Variants in SRCIN1 observed in about 807,000 individuals in gnomAD.
SRCIN1 encodes the protein P130Cas-associated protein.
A neutral mutation model predicts 116.2 loss-of-function variants in SRCIN1; 50 were observed. The observed-to-expected ratio is 0.43, with a 90% CI of 0.34 to 0.54. The LOEUF (loss-of-function observed/expected upper bound fraction) is 0.54, where lower values mean the gene tolerates loss of function less well. Among genes scored for constraint, SRCIN1 ranks in the 20% least tolerant of loss-of-function variants. SRCIN1 has a pLI of 0.02. For missense variants in SRCIN1, 1,446 were observed against 1,672.0 expected (o/e 0.86, Z 2.36); for synonymous variants, 736 against 750.0 (o/e 0.98, Z 0.30).
In SRCIN1 at chr17:38,551,218, G is replaced by C. The variant is rs1473467688; in HGVS notation, c.2899C>G (p.Pro967Ala). ...GCCTTCTGGCCGTGGGGGGCCTTGG[G>C]GGGCTTGTGATCTGGAGTGGGGGCC... ...GPAPTPDHKP[P>A]KAPHGQKAAP... The change falls in exon 15 of 19, where the codon CCC becomes GCC. Residue 967 changes from proline (P) to alanine (A), a missense_variant. Physicochemically the swap from Pro to Ala is conservative, Grantham distance 27. This residue lies in a region of SRCIN1 where 531 missense variants were observed against 633.9 expected (regional missense o/e 0.84). Transcript: ENST00000617146. The C allele has an allele frequency of 6.2e-7, 1 of 1,607,370 alleles. No homozygotes were observed. The highest frequency in any genetic ancestry group is 1.3e-5 in the African/African-American group (1 of 74,986).
intron 2 of SRCIN1, among the ~76,000 whole-genome samples, chr17:38,577,920 C>G (rs1007066875): frequency 6.6e-6 from 1 of 152,106 alleles, no homozygotes; most frequent in Non-Finnish European, 1.5e-5. Context: ...GCCTCCAGCT[C>G]CAAGTCACCC....
In SRCIN1 at chr17:38,549,704, C is replaced by T. The variant is rs117685008; in HGVS notation, c.2963-494G>A. Among the ~76,000 whole-genome samples the T allele has an allele frequency of 8.0e-4, 122 of 152,300 alleles. No individual in the cohort carries two copies. In the East Asian group the frequency reaches 8.7e-3, roughly 11 times the overall value. On this transcript the variant is annotated intron_variant, in intron 15 of 18. Transcript: ENST00000617146. Reference sequence around the variant, plus strand: ...CCAATTTGTCCTCCAGCCCTGCTTCCGGGGTAACCTGCAGAGAGGTCACTC... The same window carrying T: ...CCAATTTGTCCTCCAGCCCTGCTTCTGGGGTAACCTGCAGAGAGGTCACTC...
chr17:38,573,764 A>C (rs932190463), intron 2 of SRCIN1, among the ~76,000 whole-genome samples: 5 of 152,320 alleles, frequency 3.3e-5, no homozygotes, highest in Admixed American at 3.3e-4. Flanking sequence ...TCCTAGCCCC[A>C]CTTTGGTCTC....
intron 7 of SRCIN1, 26 bp from the exon 8 acceptor site, chr17:38,560,451 C>T: frequency 6.3e-7 from 1 of 1,583,288 alleles, no homozygotes; most frequent in Non-Finnish European, 8.6e-7. Context: ...GTCTGGGCAA[C>T]CTCGCCTCTG....
At position 38,604,640 on chromosome 17, in the gene SRCIN1, G is replaced by C. The variant is rs1198922689; in HGVS notation, c.22+1044C>G. On this transcript the variant is annotated intron_variant, in intron 1 of 18. Transcript: ENST00000617146. This position sits in a 1 kb window ranked among gnomAD's most constrained non-coding sequence, Gnocchi z 4.3. ...GGCTGGGGGACGAGCACCAGCAGCC[G>C]CACACGCCCCGCCGGGCCCTGACAG... 1 of 414,272 alleles carries C rather than the reference G, an allele frequency of 2.4e-6. No homozygotes were observed. The highest frequency in any genetic ancestry group is 8.1e-5 in the East Asian group (1 of 12,416). The allele number at this position is 414,272 out of a possible 1,614,324, so 25.7% of individuals were successfully genotyped here.
At position 38,551,181 on chromosome 17, in the gene SRCIN1, G is replaced by T. The variant is rs759557289; in HGVS notation, c.2936C>A (p.Thr979Lys). 5 of 1,579,692 alleles carry T rather than the reference G, an allele frequency of 3.2e-6. No individual in the cohort carries two copies. Among genetic ancestry groups the T allele is most frequent in the East Asian group, 4.5e-5 (2 of 44,412 alleles). The change falls in exon 15 of 19, where the codon ACG (threonine) becomes AAG (lysine). Residue 979 changes from threonine to lysine, a missense_variant. Transcript: ENST00000617146. Reference sequence around the variant, plus strand: ...TGAGCCCCTCCTCCCACTGGGCTCCGTTCGGGGGGCTGCCTTCTGGCCGTG... The same window carrying T: ...TGAGCCCCTCCTCCCACTGGGCTCCTTTCGGGGGGCTGCCTTCTGGCCGTG... ...APHGQKAAPR[T>K]EPSGRRGSDE...
At chr17:38,542,125 C>A (rs1297031818) in intron 18 of SRCIN1, 1 of 152,286 alleles carries the variant, frequency 6.6e-6, no homozygotes, top group Non-Finnish European at 1.5e-5. Context: ...CTCGATGTCA[C>A]TGGAGACCCA....
At chr17:38,571,994 C>G (rs1415736381) in intron 2 of SRCIN1, among the ~76,000 whole-genome samples, 1 of 152,142 alleles carries the variant, frequency 6.6e-6, no homozygotes, top group Non-Finnish European at 1.5e-5. Flanking sequence ...GGGGCTAGGG[C>G]CCCTGGGGAG....
At chr17:38,596,563 C>T (rs938561534) in intron 1 of SRCIN1, among the ~76,000 whole-genome samples, 2 of 152,092 alleles carry the variant, frequency 1.3e-5, no homozygotes, top group African/African-American at 4.8e-5. Flanking sequence ...CAAATGATAG[C>T]CCGCCTGCCT....
At chr17:38,606,570 G>A (rs1056723922), upstream of SRCIN1, among the ~76,000 whole-genome samples, 1 of 152,070 alleles carries the variant, frequency 6.6e-6, no homozygotes, top group Non-Finnish European at 1.5e-5. The surrounding 1 kb of genome is among the most constrained non-coding windows in gnomAD (Gnocchi z 5.2). Flanking sequence ...TCCTGCAGGC[G>A]TGCGCGGGAA....
At position 38,551,355 on chromosome 17, in the gene SRCIN1, G is replaced by T; in HGVS notation, c.2762C>A (p.Ala921Asp). 6.2e-7 allele frequency: 1 copy of T among 1,613,382 alleles called. No homozygotes were observed. Among genetic ancestry groups the T allele is most frequent in the Non-Finnish European group, 8.5e-7 (1 of 1,179,694 alleles). The change falls in exon 15 of 19, where the codon GCC (alanine) becomes GAC (aspartate). Residue 921 changes from alanine to aspartate, a missense_variant. Around this residue, in one of 5 missense-constraint regions of SRCIN1, gnomAD observed 531 missense variants for 633.9 expected, o/e 0.84. Coordinates refer to ENST00000617146, the MANE Select transcript of SRCIN1 (RefSeq NM_025248.3). ...AERDWEEKRA[A>D]LTQYSAKDIN... is the part of the protein sequence containing the mutation. Reference sequence around the variant, plus strand: ...GTCCTTGGCACTGTACTGGGTCAGGGCTGCCCGCTTCTCCTCCCAGTCTCG... The same window carrying T: ...GTCCTTGGCACTGTACTGGGTCAGGTCTGCCCGCTTCTCCTCCCAGTCTCG...
At position 38,558,430 on chromosome 17, in the gene SRCIN1, G is replaced by A. The variant is rs1177940609; in HGVS notation, c.2026-28C>T. On this transcript the variant is annotated intron_variant, in intron 10 of 18. Transcript: ENST00000617146. This position sits in a 1 kb window ranked among gnomAD's most constrained non-coding sequence, Gnocchi z 4.6. Reference sequence around the variant, plus strand: ...GCGGGACGCACGGACGGATGGACCCGGGTGGGGGGAGCGGAGCCGCGAGGC... The same window carrying A: ...GCGGGACGCACGGACGGATGGACCCAGGTGGGGGGAGCGGAGCCGCGAGGC... 9 of 1,565,716 alleles carry A rather than the reference G, an allele frequency of 5.7e-6. No individual in the cohort carries two copies. The highest frequency in any genetic ancestry group is 1.9e-5 in the Admixed American group (1 of 52,802).
intron 11 of SRCIN1, among the ~76,000 whole-genome samples, chr17:38,553,744 A>G (rs1268288373): frequency 2.0e-5 from 3 of 152,266 alleles, no homozygotes; most frequent in Non-Finnish European, 4.4e-5. Flanking sequence ...GAGGCCTAAC[A>G]TCCAAACTTT....
chr17:38,548,007 C>T (rs943159090), intron 17 of SRCIN1: 1 of 195,748 alleles, frequency 5.1e-6, no homozygotes, highest in South Asian at 6.9e-5. Flanking sequence ...AGCCTCACCC[C>T]TTGGTCCCTT....
At chr17:38,595,545 G>T (rs1334479814) in intron 1 of SRCIN1, among the ~76,000 whole-genome samples, 1 of 152,188 alleles carries the variant, frequency 6.6e-6, no homozygotes, top group African/African-American at 2.4e-5. Context: ...ATAAATGGAT[G>T]AATAGATAAA....
chr17:38,549,034 C>A, intron 16 of SRCIN1, 22 bp downstream of exon 16: 2 of 1,612,686 alleles, frequency 1.2e-6, no homozygotes, highest in Non-Finnish European at 1.7e-6. Context: ...CCCTGGCCCT[C>A]TGTCTGAGGT....
Position 38,563,652 on chromosome 17 carries a change from G to T in SRCIN1, c.542-131C>A. 1 of 1,260,970 alleles carries T rather than the reference G, an allele frequency of 7.9e-7. No individual in the cohort carries two copies. Among genetic ancestry groups the T allele is most frequent in the Non-Finnish European group, 1.1e-6 (1 of 896,452 alleles). 78.1% of individuals were successfully genotyped at this position (1,260,970 alleles called of 1,614,324 possible). ...GTCTGAGGCTAGACGCCGCCCCCGAGTGCAGATGCACCCAGGCACCTCTCA... is the reference window on the plus strand; with the variant it reads ...GTCTGAGGCTAGACGCCGCCCCCGATTGCAGATGCACCCAGGCACCTCTCA... On this transcript the variant is annotated intron_variant, in intron 4 of 18. Coordinates refer to ENST00000617146, the MANE Select transcript of SRCIN1 (RefSeq NM_025248.3). The surrounding 1 kb of genome is among the most constrained non-coding windows in gnomAD (Gnocchi z 5.8).
chr17:38,557,264 G>C (rs916146135), intron 11 of SRCIN1, among the ~76,000 whole-genome samples: 9 of 152,232 alleles, frequency 5.9e-5, no homozygotes, highest in Admixed American at 2.0e-4. Flanking sequence ...GGGCTCCAAG[G>C]AGCAGCCTCT....
chr17:38,601,840 G>C (rs1431885554), intron 1 of SRCIN1, among the ~76,000 whole-genome samples: 2 of 152,184 alleles, frequency 1.3e-5, no homozygotes. Context: ...GCCAGAGCTG[G>C]GGAAAGGAAG....
Sources: allele counts gnomAD v4.1 joint callset (sites outside exome capture counted in the v4.1 genomes callset), GRCh38; gene constraint gnomAD v4.1.1; regional missense constraint gnomAD v4.1.1; non-coding constraint Gnocchi (gnomAD v3.1); transcripts MANE v1.5; gene names NCBI Gene and HGNC (gene_info 2026-07-23, HGNC 2026-07-21).